Variants in DTD1 observed in about 807,000 individuals in gnomAD.
DTD1 encodes D-aminoacyl-tRNA deacylase 1.
DTD1 carries 13 observed loss-of-function variants against 25.6 expected under a neutral mutation model. That is an observed-to-expected ratio of 0.51 (90% CI 0.33 to 0.81). The LOEUF (loss-of-function observed/expected upper bound fraction) is 0.81. Among genes scored for constraint, DTD1 ranks in the 30% least tolerant of loss-of-function variants. The pLI is 0.02. For missense variants in DTD1, 193 were observed against 266.4 expected, an observed-to-expected ratio of 0.72 and a Z score of 1.92; for synonymous variants, 110 against 103.6, an observed-to-expected ratio of 1.06 and a Z score of -0.37.
rs1199217890 is a variant in DTD1, at chr20:18,764,754, C to G, written c.*1414C>G. 1.3e-5 allele frequency: 2 copies of G among 152,252 alleles called. No individual in the cohort carries two copies. Among genetic ancestry groups the G allele is most frequent in the Non-Finnish European group, 2.9e-5 (2 of 68,068 alleles). The allele number at this position is 152,252 out of a possible 1,614,324, so 9.4% of individuals were successfully genotyped here. On this transcript the variant is annotated 3_prime_UTR_variant, in exon 6 of 6. Transcript: ENST00000377452. The stretch of plus-strand genomic sequence containing the variant: ...ATTTGAAGTCATTACATCCCAGATG[C>G]AGACCCTGGCCAGCTCCCTAAGCTG...
intron 3 of DTD1, among the ~76,000 whole-genome samples, chr20:18,616,438 A>C (rs1414638068): frequency 6.6e-6 from 1 of 152,114 alleles, no homozygotes; most frequent in Non-Finnish European, 1.5e-5. Context: ...TATTGTGAAC[A>C]GCAACCTGAT....
rs749598890 is a variant in DTD1 at position 18,588,081 on chromosome 20, C to T, written c.9C>T (p.Ala3=). 8.0e-6 allele frequency: 11 copies of T among 1,371,156 alleles called. 1 individual carries two copies. The South Asian group carries it at 1.5e-4, about 18-fold the overall frequency. 84.9% of individuals were successfully genotyped at this position (1,371,156 alleles called of 1,614,324 possible). The change falls in exon 1 of 6, where the codon GCC becomes GCT. Residue 3 remains alanine (A), a synonymous_variant. Coordinates refer to ENST00000377452, the MANE Select transcript of DTD1 (RefSeq NM_080820.6). ...TCGCCCCAGCCGCCGCCATGAAGGC[C>T]GTGGTGCAGCGCGTCACCCGGGCCA... is the stretch of plus-strand genomic sequence containing the variant. MK[A]VVQRVTRASV... is the part of the protein sequence containing the mutation.
At chr20:18,624,485 C>T (rs1194681574) in intron 3 of DTD1, among the ~76,000 whole-genome samples, 1 of 152,162 alleles carries the variant, frequency 6.6e-6, no homozygotes, top group South Asian at 2.1e-4. Flanking sequence ...ATCATGAGCT[C>T]AGAAGCCACC....
At chr20:18,656,249 C>T (rs2060891191) in intron 4 of DTD1, among the ~76,000 whole-genome samples, 1 of 152,156 alleles carries the variant, frequency 6.6e-6, no homozygotes, top group South Asian at 2.1e-4. Flanking sequence ...ATTTTTAGCA[C>T]TTTGGCTTTT....
At chr20:18,688,576 C>T (rs576963381) in intron 4 of DTD1, among the ~76,000 whole-genome samples, 5 of 152,150 alleles carry the variant, frequency 3.3e-5, no homozygotes, top group South Asian at 4.1e-4. Flanking sequence ...ATAATGTCAG[C>T]GGACTACAGC....
At chr20:18,685,515 GGGAGGCA>G (rs1357071549) in intron 4 of DTD1, among the ~76,000 whole-genome samples, 22 of 152,280 alleles carry the variant, frequency 1.4e-4, no homozygotes, top group African/African-American at 5.1e-4. Context: ...GACATCCTTG[GGGAGGCA>G]GGAGTGACTG....
At chr20:18,633,314 C>T (rs1464602965) in intron 4 of DTD1, among the ~76,000 whole-genome samples, 3 of 152,160 alleles carry the variant, frequency 2.0e-5, no homozygotes, top group Non-Finnish European at 4.4e-5. Flanking sequence ...TTTCCTACCT[C>T]GGAGCTCTTG....
chr20:18,761,096 A>G (rs1216146291), intron 5 of DTD1, among the ~76,000 whole-genome samples: 3 of 152,118 alleles, frequency 2.0e-5, no homozygotes, highest in African/African-American at 7.2e-5. Context: ...GCGCATTATT[A>G]GGGTGGGAGT....
chr20:18,747,543 T>C (rs6081350), intron 5 of DTD1, among the ~76,000 whole-genome samples: 82,711 of 152,042 alleles, frequency 0.54, 23,671 homozygotes, highest in Non-Finnish European at 0.62. Context: ...CAAGTTTTAG[T>C]AATTACTTGG....
At chr20:18,757,754 A>C (rs1449287355) in intron 5 of DTD1, among the ~76,000 whole-genome samples, 4 of 152,206 alleles carry the variant, frequency 2.6e-5, no homozygotes, top group Non-Finnish European at 5.9e-5. Context: ...TGTCTCTGCC[A>C]GACTTTGGTA....
intron 4 of DTD1, among the ~76,000 whole-genome samples, chr20:18,701,430 A>C (rs1001126934): frequency 6.6e-6 from 1 of 152,208 alleles, no homozygotes; most frequent in Admixed American, 6.5e-5. Context: ...CCTTTGCCAG[A>C]CCCTGGCCAT....
chr20:18,646,150 C>T lies in DTD1; in HGVS notation c.477+17917C>T, dbSNP rs117540142. On this transcript the variant is annotated intron_variant, in intron 4 of 5. Transcript: ENST00000377452. The stretch of plus-strand genomic sequence containing the variant: ...AGGTACAAGGCACTGGCAGGCATGG[C>T]ACACCTTCACTATGTACCCCGTCTT... 4.5e-4 allele frequency among the ~76,000 whole-genome samples: 68 copies of T among 152,350 alleles called. 2 individuals carry two copies. The East Asian group carries it at 0.012, about 26-fold the overall frequency.
intron 4 of DTD1, among the ~76,000 whole-genome samples, chr20:18,658,382 G>A (rs1050141278): frequency 2.6e-5 from 4 of 151,424 alleles, no homozygotes; most frequent in African/African-American, 9.7e-5. Context: ...CTGGAGTGCA[G>A]TGGCGCCATC....
At chr20:18,679,523 T>C (rs1010653964) in intron 4 of DTD1, among the ~76,000 whole-genome samples, 2 of 152,222 alleles carry the variant, frequency 1.3e-5, no homozygotes, top group African/African-American at 4.8e-5. Flanking sequence ...ATGATTTATA[T>C]GTAACACTGA....
At chr20:18,679,587 A>C (rs1393174544) in intron 4 of DTD1, among the ~76,000 whole-genome samples, 1 of 152,238 alleles carries the variant, frequency 6.6e-6, no homozygotes, top group Non-Finnish European at 1.5e-5. Context: ...TGACCTAATC[A>C]AACTGGCCAT....
At chr20:18,606,694 C>T (rs1344094433) in intron 3 of DTD1, among the ~76,000 whole-genome samples, 13 of 130,148 alleles carry the variant, frequency 1.0e-4, no homozygotes, top group East Asian at 6.3e-4. Context: ...AACCAAACAC[C>T]GCATGTTCTC....
At chr20:18,733,999 C>G (rs1180526492) in intron 4 of DTD1, among the ~76,000 whole-genome samples, 2 of 152,166 alleles carry the variant, frequency 1.3e-5, no homozygotes, top group Non-Finnish European at 2.9e-5. Context: ...AAAAAGCTTT[C>G]AGAATTATCA....
intron 4 of DTD1, among the ~76,000 whole-genome samples, chr20:18,642,495 C>T (rs1158060469): frequency 3.3e-5 from 5 of 151,922 alleles, no homozygotes; most frequent in Non-Finnish European, 7.4e-5. Flanking sequence ...TTTCAATCTC[C>T]TGGGCTCAAG....
intron 4 of DTD1, among the ~76,000 whole-genome samples, chr20:18,667,931 C>T (rs545390553): frequency 1.3e-5 from 2 of 152,298 alleles, no homozygotes; most frequent in Admixed American, 6.5e-5. Context: ...GAATGACTTG[C>T]GTATCCCAAA....
Sources: allele counts gnomAD v4.1 joint callset (sites outside exome capture counted in the v4.1 genomes callset), GRCh38; gene constraint gnomAD v4.1.1; transcripts MANE v1.5; gene names NCBI Gene and HGNC (gene_info 2026-07-23, HGNC 2026-07-21).